MEGF6: variants seen among roughly 807,000 people sequenced by gnomAD.
The protein encoded by MEGF6 is multiple EGF like domains 6.
Under a neutral mutation model 207.1 loss-of-function variants are expected in MEGF6, and 184 were observed. The observed-to-expected ratio is 0.89, with a 90% confidence interval of 0.79 to 1.00. The LOEUF (loss-of-function observed/expected upper bound fraction) is 1.00. MEGF6 is among the 50% of genes least tolerant of loss of function. MEGF6 has a pLI of 0.00. For missense variants in MEGF6, 2,282 were observed against 2,202.9 expected, an observed-to-expected ratio of 1.04 and a Z score of -0.72; for synonymous variants, 1,038 against 910.0, an observed-to-expected ratio of 1.14 and a Z score of -2.53.
chr1:3,511,777 G>A lies in MEGF6; in HGVS notation c.977-90C>T, dbSNP rs1012684942. ...TACCCCTACCTCCACCCAGCAGCCAGCCTCGGGCCTGGGGACACCCGTGGG... is the reference window on the plus strand; with the variant it reads ...TACCCCTACCTCCACCCAGCAGCCAACCTCGGGCCTGGGGACACCCGTGGG... On this transcript the variant is annotated intron_variant, in intron 8 of 36. Transcript: ENST00000356575. 7 of 1,536,812 alleles carry A rather than the reference G, an allele frequency of 4.6e-6. No individual in the cohort carries two copies. The African/African-American group carries it at 8.2e-5, about 18-fold the overall frequency.
intron 4 of MEGF6, among the ~76,000 whole-genome samples, chr1:3,570,099 C>T (rs1348185243): frequency 1.3e-5 from 2 of 152,232 alleles, no homozygotes; most frequent in South Asian, 2.1e-4. Context: ...GTCTCAGTCT[C>T]CCCAGCTGTC....
At chr1:3,536,238 C>T (rs111727261) in intron 4 of MEGF6, among the ~76,000 whole-genome samples, 8,578 of 152,288 alleles carry the variant, frequency 0.056, 333 homozygotes, top group Middle Eastern at 0.099. Flanking sequence ...CCCCCCTACC[C>T]CTGCCCACCC....
chr1:3,586,423 G>A (rs780132677), intron 3 of MEGF6, among the ~76,000 whole-genome samples: 1 of 152,208 alleles, frequency 6.6e-6, no homozygotes, highest in South Asian at 2.1e-4. Flanking sequence ...GGCAGTGCAT[G>A]AGTGAGCTCG....
intron 4 of MEGF6, among the ~76,000 whole-genome samples, chr1:3,553,622 G>A (rs1025695000): frequency 3.3e-5 from 5 of 152,142 alleles, no homozygotes; most frequent in African/African-American, 4.8e-5. Flanking sequence ...GGGAGGCCAC[G>A]AATCTTCCCA....
intron 2 of MEGF6, among the ~76,000 whole-genome samples, chr1:3,601,808 G>A (rs912468860): frequency 2.6e-5 from 4 of 152,244 alleles, no homozygotes; most frequent in Non-Finnish European, 4.4e-5. Context: ...CAGGTGTCCC[G>A]CGTGGACCCC....
intron 5 of MEGF6, among the ~76,000 whole-genome samples, chr1:3,522,965 C>T (rs973452766): frequency 3.9e-5 from 6 of 152,178 alleles, no homozygotes; most frequent in African/African-American, 4.8e-5. Flanking sequence ...CTCCGTTGTC[C>T]GGAAGCACAT....
intron 4 of MEGF6, among the ~76,000 whole-genome samples, chr1:3,536,961 C>T (rs1042395801): frequency 2.0e-5 from 3 of 152,294 alleles, no homozygotes; most frequent in African/African-American, 7.2e-5. Flanking sequence ...CCCCTCCAGC[C>T]TTGCGGCTCA....
In MEGF6 at chr1:3,489,109, C is replaced by T. The variant is rs950696584; in HGVS notation, c.*1419G>A. Among the ~76,000 whole-genome samples, 12 of 152,184 alleles carry T rather than the reference C, an allele frequency of 7.9e-5. No individual in the cohort carries two copies. The highest frequency in any genetic ancestry group is 2.1e-4 in the South Asian group (1 of 4,832). ...TCCACACTCCGTCTGCACCCCAGTC[C>T]GTCTCTCTCTGGCTGCTGCTTCTGC... is the stretch of plus-strand genomic sequence containing the variant. On this transcript the variant is annotated 3_prime_UTR_variant, in exon 37 of 37. Coordinates refer to ENST00000356575, the MANE Select transcript of MEGF6 (RefSeq NM_001409.4).
At chr1:3,558,943 T>C (rs113426263) in intron 4 of MEGF6, among the ~76,000 whole-genome samples, 4,486 of 152,276 alleles carry the variant, frequency 0.029, 113 homozygotes, top group Middle Eastern at 0.048. Flanking sequence ...GGAGGATCAC[T>C]TGAGCCCAAG....
chr1:3,507,644 C>T (rs1302992701), intron 14 of MEGF6, 151 bp downstream of exon 14: 6 of 950,826 alleles, frequency 6.3e-6, no homozygotes, highest in African/African-American at 1.6e-5. Context: ...GACAGGGAGG[C>T]AGGAAGGAAA....
At chr1:3,568,416 G>A (rs1454696461) in intron 4 of MEGF6, among the ~76,000 whole-genome samples, 1 of 152,068 alleles carries the variant, frequency 6.6e-6, no homozygotes, top group Non-Finnish European at 1.5e-5. Flanking sequence ...CCCTCATGGG[G>A]CCCACGGAGG....
At chr1:3,514,296 C>T (rs920718519) in intron 7 of MEGF6, among the ~76,000 whole-genome samples, 1 of 152,126 alleles carries the variant, frequency 6.6e-6, no homozygotes, top group Non-Finnish European at 1.5e-5. Flanking sequence ...ATAAGCAACA[C>T]CTGGGCTCCC....
rs74717216 is a variant in MEGF6, at chr1:3,594,109, G to T, written c.376+1229C>A. Among the ~76,000 whole-genome samples, 1 of 152,102 alleles carries T rather than the reference G, an allele frequency of 6.6e-6. No individual in the cohort carries two copies. The highest frequency in any genetic ancestry group is 1.9e-4 in the East Asian group (1 of 5,184). Reference sequence around the variant, plus strand: ...CTGTTCCTGTCACCGGAGCCCAGGGGAGCCCACTGTCCATTAAACCTCAAC... The same window carrying T: ...CTGTTCCTGTCACCGGAGCCCAGGGTAGCCCACTGTCCATTAAACCTCAAC... On this transcript the variant is annotated intron_variant, in intron 3 of 36. Transcript: ENST00000356575. This position sits in a 1 kb window ranked among gnomAD's most constrained non-coding sequence, Gnocchi z 4.2.
intron 9 of MEGF6, 116 bp downstream of exon 9, chr1:3,511,434 G>T: frequency 7.7e-7 from 1 of 1,297,584 alleles, no homozygotes; most frequent in Non-Finnish European, 1.0e-6. Flanking sequence ...AGCCAGACCA[G>T]GACTCAGGGA....
At chr1:3,506,299 C>A in intron 14 of MEGF6, 63 bp from the exon 15 acceptor site, 1 of 1,571,964 alleles carries the variant, frequency 6.4e-7, no homozygotes, top group Non-Finnish European at 8.6e-7. Flanking sequence ...GTGGTCCCCC[C>A]ATGTGGTAGG....
chr1:3,603,123 T>C (rs1644187051), intron 1 of MEGF6, among the ~76,000 whole-genome samples: 1 of 152,140 alleles, frequency 6.6e-6, no homozygotes. Flanking sequence ...TGTTTGCTCT[T>C]GGAGGAGGAG....
chr1:3,512,983 C>T (rs529322713), intron 7 of MEGF6, among the ~76,000 whole-genome samples: 7 of 152,220 alleles, frequency 4.6e-5, no homozygotes, highest in South Asian at 2.1e-4. Flanking sequence ...AACAAATAAA[C>T]GTCGCCCAGC....
At chr1:3,531,197 G>A (rs1001360444) in intron 4 of MEGF6, 2 of 1,514,180 alleles carry the variant, frequency 1.3e-6, no homozygotes. Context: ...CCCCCCAGGA[G>A]CCCAAGGCAC....
At chr1:3,610,752 G>T (rs1023915762) in intron 1 of MEGF6, among the ~76,000 whole-genome samples, 6 of 152,242 alleles carry the variant, frequency 3.9e-5, no homozygotes. Flanking sequence ...CCAGGAGACA[G>T]GCTTTGGAGG....
Sources: gnomAD v4.1 joint callset for allele counts (sites outside exome capture counted in the v4.1 genomes callset) on GRCh38, gnomAD v4.1.1 for gene constraint, Gnocchi (gnomAD v3.1) non-coding constraint, MANE v1.5 for transcripts, NCBI Gene and HGNC (gene_info 2026-07-23, HGNC 2026-07-21) for gene names.